ELOA2: variants seen among roughly 807,000 people sequenced by gnomAD.
ELOA2 encodes the protein elongin A2.
For synonymous variants in ELOA2, 497 were observed against 398.8 expected, an observed-to-expected ratio of 1.25 and a Z score of -2.94; for missense variants, 1,271 against 979.7, an observed-to-expected ratio of 1.30 and a Z score of -3.97.
At position 47,032,658 on chromosome 18, in the gene ELOA2, A is replaced by G. The variant is rs1000954362; in HGVS notation, c.*345T>C. Reference sequence around the variant, plus strand: ...TGTCTAAGAAGTTCTTATCTACTTGATTTCGAAAAAAAAAAGAAAGGAAAA... The same window carrying G: ...TGTCTAAGAAGTTCTTATCTACTTGGTTTCGAAAAAAAAAAGAAAGGAAAA... On this transcript the variant is annotated 3_prime_UTR_variant, in exon 1 of 1. Coordinates refer to ENST00000332567, the MANE Select transcript of ELOA2 (RefSeq NM_016427.3). 1.9e-5 allele frequency: 7 copies of G among 362,536 alleles called. No individual in the cohort carries two copies. Among genetic ancestry groups the G allele is most frequent in the Non-Finnish European group, 3.0e-5 (6 of 199,706 alleles). 22.5% of individuals were successfully genotyped at this position (362,536 alleles called of 1,614,324 possible).
rs770221584 is a variant in ELOA2 at position 47,033,264 on chromosome 18, G to C, written c.2001C>G (p.Pro667=). The C allele has an allele frequency of 1.2e-6, 2 of 1,613,408 alleles. No individual in the cohort carries two copies. Among genetic ancestry groups the C allele is most frequent in the African/African-American group, 2.7e-5 (2 of 74,878 alleles). ...RQEKSAGDAD[P]ENGEIKPASK... ...AGGCTGGCTTGATCTCCCCATTTTC[G>C]GGGTCAGCGTCTCCTGCAGACTTCT... Residue 667 remains proline (P), a synonymous_variant, in exon 1 of 1, where the codon CCC becomes CCG. Coordinates refer to ENST00000332567, the MANE Select transcript of ELOA2 (RefSeq NM_016427.3).
In ELOA2 at chr18:47,035,248, G is replaced by T. The variant is rs61738602; in HGVS notation, c.17C>A (p.Thr6Asn). Residue 6 changes from threonine (T) to asparagine (N), a missense_variant, in exon 1 of 1, where the codon ACT (threonine) becomes AAT (asparagine). Transcript: ENST00000332567. ...CAGCTTCTCCACTGCGTGCAGCGTA[G>T]TGGACCCTGCCGCCATCTCACCAGA... MAAGSTTLHAVEKLQV... is the reference protein window; with the variant it reads MAAGSNTLHAVEKLQV... The T allele has an allele frequency of 7.1e-5, 115 of 1,612,648 alleles. No homozygotes were observed. The highest frequency in any genetic ancestry group is 6.8e-5 in the Non-Finnish European group (80 of 1,179,834).
rs750709978 is a variant in ELOA2, at chr18:47,034,024, G to T, written c.1241C>A (p.Ala414Glu). The T allele has an allele frequency of 8.1e-6, 13 of 1,614,054 alleles. No homozygotes were observed. The highest frequency in any genetic ancestry group is 1.0e-5 in the Non-Finnish European group (12 of 1,180,040). The change falls in exon 1 of 1, where the codon GCA becomes GAA. Residue 414 changes from alanine to glutamate, a missense_variant. Physicochemically the swap from Ala to Glu is moderately radical, Grantham distance 107. Coordinates refer to ENST00000332567, the MANE Select transcript of ELOA2 (RefSeq NM_016427.3). ...TTALGDKQRK[A>E]NESKGTRESW... ...CTCACGAGTGCCCTTGGATTCGTTTGCTTTCCTTTGTTTATCTCCAAGTGC... is the reference window on the plus strand; with the variant it reads ...CTCACGAGTGCCCTTGGATTCGTTTTCTTTCCTTTGTTTATCTCCAAGTGC...
Position 47,033,531 on chromosome 18 carries a change from A to G in ELOA2, c.1734T>C (p.Val578=). The part of the protein sequence containing the change: ...YRRKKDNHAL[V]RETDELRRNH... Reference sequence around the variant, plus strand: ...TCCTCCGTAATTCGTCTGTCTCTCTAACGAGTGCGTGATTGTCTTTCTTTC... The same window carrying G: ...TCCTCCGTAATTCGTCTGTCTCTCTGACGAGTGCGTGATTGTCTTTCTTTC... The change falls in exon 1 of 1, where the codon GTT becomes GTC. Residue 578 remains valine (V), a synonymous_variant. Coordinates refer to ENST00000332567, the MANE Select transcript of ELOA2 (RefSeq NM_016427.3). 1.2e-6 allele frequency: 2 copies of G among 1,614,036 alleles called. No homozygotes were observed. The highest frequency in any genetic ancestry group is 1.3e-5 in the African/African-American group (1 of 74,970).
rs141139225 is a variant in ELOA2 at position 47,034,608 on chromosome 18, G to A, written c.657C>T (p.Ala219=). The A allele has an allele frequency of 1.8e-5, 29 of 1,614,160 alleles. No individual in the cohort carries two copies. The highest frequency in any genetic ancestry group is 4.5e-5 in the East Asian group (2 of 44,876). Reference sequence around the variant, plus strand: ...TGTGCCCCTTGCTGTGGCTCACAACGGCTTTCCCCTGGGGTTGGCCCTGGC... The same window carrying A: ...TGTGCCCCTTGCTGTGGCTCACAACAGCTTTCCCCTGGGGTTGGCCCTGGC... ...PGCQGQPQGK[A]VVSHSKGHKS... is the part of the protein sequence containing the mutation. The change falls in exon 1 of 1, where the codon GCC becomes GCT. Residue 219 remains alanine (A), a synonymous_variant. Transcript: ENST00000332567.
In ELOA2 at chr18:47,032,729, G is replaced by T; in HGVS notation, c.*274C>A. The T allele has an allele frequency of 1.8e-6, 1 of 570,496 alleles. No individual in the cohort carries two copies. Among genetic ancestry groups the T allele is most frequent in the Non-Finnish European group, 3.0e-6 (1 of 329,540 alleles). The allele number at this position is 570,496 out of a possible 1,614,324, so 35.3% of individuals were successfully genotyped here. The stretch of plus-strand genomic sequence containing the variant: ...CCTTATTTATGATTACAACTAGGGT[G>T]TTTTTAAAAATTATCAGTGAACATC... On this transcript the variant is annotated 3_prime_UTR_variant, in exon 1 of 1. Transcript: ENST00000332567.
rs140605887 is a variant in ELOA2, at chr18:47,032,943, G to A, written c.*60C>T. 2 of 1,612,218 alleles carry A rather than the reference G, an allele frequency of 1.2e-6. No homozygotes were observed. Among genetic ancestry groups the A allele is most frequent in the South Asian group, 1.1e-5 (1 of 90,994 alleles). The stretch of plus-strand genomic sequence containing the variant: ...CATTGGAAGTTTCGTTCCCCAACCC[G>A]CATTGACTTTGCCAATGCAAAAATC... On this transcript the variant is annotated 3_prime_UTR_variant, in exon 1 of 1. Coordinates refer to ENST00000332567, the MANE Select transcript of ELOA2 (RefSeq NM_016427.3).
In ELOA2 at chr18:47,034,787, T is replaced by C. The variant is rs756651664; in HGVS notation, c.478A>G (p.Ile160Val). The change falls in exon 1 of 1, where the codon ATA becomes GTA. Residue 160 changes from isoleucine to valine, a missense_variant. Coordinates refer to ENST00000332567, the MANE Select transcript of ELOA2 (RefSeq NM_016427.3). Reference protein sequence around the residue: ...EPRAERKCPRIAPADSGRYRA... With the variant: ...EPRAERKCPRVAPADSGRYRA... The stretch of plus-strand genomic sequence containing the variant: ...TAGCGGCCGGAATCAGCTGGGGCTA[T>C]TCTGGGGCACTTTCTCTCAGCTCTG... 1.9e-6 allele frequency: 3 copies of C among 1,612,462 alleles called. No individual in the cohort carries two copies. Among genetic ancestry groups the C allele is most frequent in the Non-Finnish European group, 2.5e-6 (3 of 1,179,688 alleles).
At position 47,035,366 on chromosome 18, in the gene ELOA2, G is replaced by C; in HGVS notation, c.-102C>G. 1 of 1,571,076 alleles carries C rather than the reference G, an allele frequency of 6.4e-7. No individual in the cohort carries two copies. The highest frequency in any genetic ancestry group is 8.6e-7 in the Non-Finnish European group (1 of 1,158,238). ...GGTGGCCGGTCCTCGCTGCCCGGTC[G>C]CCAGGCAGCGACCTCGGGATGTGGA... On this transcript the variant is annotated 5_prime_UTR_variant, in exon 1 of 1. Transcript: ENST00000332567.
chr18:47,034,407 C>T lies in ELOA2; in HGVS notation c.858G>A (p.Gly286=), dbSNP rs1285508197. Residue 286 remains glycine, a synonymous_variant, in exon 1 of 1, where the codon GGG becomes GGA. Transcript: ENST00000332567. ...PSDFKTDKEG[G]QAGSGQRVPA... is the part of the protein sequence containing the mutation. The stretch of plus-strand genomic sequence containing the variant: ...GGACACGCTGGCCGCTGCCAGCTTG[C>T]CCCCCTTCCTTGTCTGTCTTGAAGT... 5 of 1,614,056 alleles carry T rather than the reference C, an allele frequency of 3.1e-6. No individual in the cohort carries two copies. Among genetic ancestry groups the T allele is most frequent in the East Asian group, 2.2e-5 (1 of 44,858 alleles).
In ELOA2 at chr18:47,033,685, G is replaced by T. The variant is rs202004416; in HGVS notation, c.1580C>A (p.Pro527Gln). The T allele has an allele frequency of 1.9e-6, 3 of 1,614,062 alleles. No homozygotes were observed. The highest frequency in any genetic ancestry group is 1.1e-5 in the South Asian group (1 of 91,092). Residue 527 changes from proline (P) to glutamine (Q), a missense_variant, in exon 1 of 1, where the codon CCG becomes CAG. Coordinates refer to ENST00000332567, the MANE Select transcript of ELOA2 (RefSeq NM_016427.3). ...CTGGGCACACTGCTGGCGCAGCGTC[G>T]GCACCTGGAGCTGGCAGGCAGGCCT... ...GSRPACQLQV[P>Q]TLRQQCAQVL...
chr18:47,035,599 A>G lies in ELOA2; in HGVS notation c.-335T>C. On this transcript the variant is annotated 5_prime_UTR_variant, in exon 1 of 1. Transcript: ENST00000332567. Reference sequence around the variant, plus strand: ...TGTAGCCCATCCCAGGCTGACACTCACGGCTCTAGCCCTGACCCTCTTAGC... The same window carrying G: ...TGTAGCCCATCCCAGGCTGACACTCGCGGCTCTAGCCCTGACCCTCTTAGC... The G allele has an allele frequency of 1.9e-6, 1 of 516,304 alleles. No homozygotes were observed. Among genetic ancestry groups the G allele is most frequent in the East Asian group, 3.7e-5 (1 of 26,782 alleles). The allele number at this position is 516,304 out of a possible 1,614,324, so 32.0% of individuals were successfully genotyped here. A position where few individuals can be genotyped will look rare whatever the true frequency, so the allele number is the denominator to read the frequency against.
In ELOA2 at chr18:47,034,188, C is replaced by T. The variant is rs2060638820; in HGVS notation, c.1077G>A (p.Thr359=). The part of the protein sequence containing the change: ...GKPPTAHLDR[T]SVSSLSEVEE... ...CCACCTCAGAGAGGGAGCTCACGGACGTTCTGTCCAAATGAGCAGTCGGTG... is the reference window on the plus strand; with the variant it reads ...CCACCTCAGAGAGGGAGCTCACGGATGTTCTGTCCAAATGAGCAGTCGGTG... The change falls in exon 1 of 1, where the codon ACG becomes ACA. Residue 359 remains threonine, a synonymous_variant. Coordinates refer to ENST00000332567, the MANE Select transcript of ELOA2 (RefSeq NM_016427.3). 1 of 1,614,132 alleles carries T rather than the reference C, an allele frequency of 6.2e-7. No homozygotes were observed. The highest frequency in any genetic ancestry group is 2.2e-5 in the East Asian group (1 of 44,878).
chr18:47,035,311 G>C lies in ELOA2; in HGVS notation c.-47C>G. 1 of 1,610,538 alleles carries C rather than the reference G, an allele frequency of 6.2e-7. No homozygotes were observed. Among genetic ancestry groups the C allele is most frequent in the Non-Finnish European group, 8.5e-7 (1 of 1,178,694 alleles). On this transcript the variant is annotated 5_prime_UTR_variant, in exon 1 of 1. Coordinates refer to ENST00000332567, the MANE Select transcript of ELOA2 (RefSeq NM_016427.3). ...TCGCTGTCCCGGCGGTCGCAGCTCT[G>C]TCTTTGGGGCTGCGGGACAGGAAGT... is the stretch of plus-strand genomic sequence containing the variant.
At position 47,035,088 on chromosome 18, in the gene ELOA2, G is replaced by C; in HGVS notation, c.177C>G (p.His59Gln). Reference protein sequence around the residue: ...IRKTVKRLRKHQHVGDFARDL... With the variant: ...IRKTVKRLRKQQHVGDFARDL... ...CTCTGGCAAAGTCGCCCACGTGCTG[G>C]TGCTTCCGCAGGCGCTTCACCGTCT... The change falls in exon 1 of 1, where the codon CAC becomes CAG. Residue 59 changes from histidine to glutamine, a missense_variant. Physicochemically the swap from His to Gln is conservative, Grantham distance 24. Coordinates refer to ENST00000332567, the MANE Select transcript of ELOA2 (RefSeq NM_016427.3). 6.2e-7 allele frequency: 1 copy of C among 1,611,080 alleles called. No homozygotes were observed. The highest frequency in any genetic ancestry group is 2.2e-5 in the East Asian group (1 of 44,860).
Position 47,033,094 on chromosome 18 carries a change from G to A in ELOA2, c.2171C>T (p.Ala724Val), listed in dbSNP as rs757395128. 1.9e-6 allele frequency: 3 copies of A among 1,614,070 alleles called. No homozygotes were observed. Among genetic ancestry groups the A allele is most frequent in the Admixed American group, 1.7e-5 (1 of 60,028 alleles). ...LSSSNEHAAP[A>V]AKTRKQAAKK... is the part of the protein sequence containing the mutation. The stretch of plus-strand genomic sequence containing the variant: ...GGCAGCCTGTTTCCGGGTTTTGGCC[G>A]CGGGCGCCGCGTGCTCATTGCTGCT... The change falls in exon 1 of 1, where the codon GCG becomes GTG. Residue 724 changes from alanine to valine, a missense_variant. Coordinates refer to ENST00000332567, the MANE Select transcript of ELOA2 (RefSeq NM_016427.3).
rs1344317531 is a variant in ELOA2, at chr18:47,033,830, C to A, written c.1435G>T (p.Asp479Tyr). Residue 479 changes from aspartate (D) to tyrosine (Y), a missense_variant, in exon 1 of 1, where the codon GAT (aspartate) becomes TAT (tyrosine). Transcript: ENST00000332567. The part of the protein sequence containing the change: ...WMQANYDPLS[D>Y]SDSMTSQAKP... ...GCCTGGGAGGTCATGGAGTCAGAAT[C>A]CGAAAGCGGATCGTAGTTGGCCTGC... The A allele has an allele frequency of 6.2e-7, 1 of 1,614,166 alleles. No individual in the cohort carries two copies. The highest frequency in any genetic ancestry group is 8.5e-7 in the Non-Finnish European group (1 of 1,180,040).
chr18:47,033,572 C>G lies in ELOA2; in HGVS notation c.1693G>C (p.Asp565His). The G allele has an allele frequency of 6.2e-7, 1 of 1,614,198 alleles. No homozygotes were observed. The highest frequency in any genetic ancestry group is 8.5e-7 in the Non-Finnish European group (1 of 1,180,040). Reference protein sequence around the residue: ...LEPVLEGWRPDQLYRRKKDNH... With the variant: ...LEPVLEGWRPHQLYRRKKDNH... ...TCTTTCTTTCTGCGATACAGCTGATCGGGCCTCCACCCTTCCAGAACAGGT... is the reference window on the plus strand; with the variant it reads ...TCTTTCTTTCTGCGATACAGCTGATGGGGCCTCCACCCTTCCAGAACAGGT... Residue 565 changes from aspartate to histidine, a missense_variant, in exon 1 of 1, where the codon GAT becomes CAT. By Grantham distance (81) the Asp-to-His change is moderately conservative (BLOSUM62 -1). Coordinates refer to ENST00000332567, the MANE Select transcript of ELOA2 (RefSeq NM_016427.3).
In ELOA2 at chr18:47,034,642, C is replaced by A. The variant is rs1393611971; in HGVS notation, c.623G>T (p.Cys208Phe). 6.2e-7 allele frequency: 1 copy of A among 1,613,900 alleles called. No individual in the cohort carries two copies. The highest frequency in any genetic ancestry group is 8.5e-7 in the Non-Finnish European group (1 of 1,179,978). The part of the protein sequence containing the change: ...THAAQGGPLL[C>F]PGCQGQPQGK... ...CTGGGGTTGGCCCTGGCAGCCTGGA[C>A]ACAGCAGAGGCCCGCCCTGAGCCGC... The change falls in exon 1 of 1, where the codon TGT becomes TTT. Residue 208 changes from cysteine to phenylalanine, a missense_variant. Transcript: ENST00000332567.
Sources: allele counts gnomAD v4.1 joint callset, GRCh38; gene constraint gnomAD v4.1.1; transcripts MANE v1.5; gene names NCBI Gene and HGNC (gene_info 2026-07-23, HGNC 2026-07-21).